The following RIPOR2 variants were observed in gnomAD, a reference collection of about 807,000 sequenced individuals.
The protein encoded by RIPOR2 is rho family-interacting cell polarization regulator 2.
Under a neutral mutation model 114.5 loss-of-function variants are expected in RIPOR2, and 39 were observed. That is an observed-to-expected ratio of 0.34 (90% CI 0.26 to 0.44). The LOEUF (loss-of-function observed/expected upper bound fraction) is 0.44. RIPOR2 is among the 20% of genes least tolerant of loss of function. The pLI is 1.00. For missense variants in RIPOR2, 1,007 were observed against 1,255.1 expected (o/e 0.80, Z 2.99); for synonymous variants, 445 against 484.4 (o/e 0.92, Z 1.07).
chr6:24,884,363 C>G (rs558318787), intron 1 of RIPOR2, among the ~76,000 whole-genome samples: 9 of 152,116 alleles, frequency 5.9e-5, no homozygotes, highest in African/African-American at 2.2e-4. Context: ...GAGCCGAGAT[C>G]GTGCCACTGC....
chr6:24,847,428 C>T, intron 12 of RIPOR2: 1 of 1,109,542 alleles, frequency 9.0e-7, no homozygotes, highest in East Asian at 2.6e-5. Context: ...GACAGTACAG[C>T]TGTAACCATA....
intron 1 of RIPOR2, among the ~76,000 whole-genome samples, chr6:24,945,004 A>G (rs7769907): frequency 0.042 from 6,417 of 152,212 alleles, 450 homozygotes; most frequent in African/African-American, 0.14. Context: ...ATAGCTGAAA[A>G]GAAGAATTGT....
chr6:24,992,236 T>C (rs1774857057), intron 1 of RIPOR2, among the ~76,000 whole-genome samples: 1 of 152,164 alleles, frequency 6.6e-6, no homozygotes. Context: ...ACCTTTATAG[T>C]CCATTCTCAA....
chr6:24,833,536 C>A (rs1243541710), intron 15 of RIPOR2, among the ~76,000 whole-genome samples: 1 of 144,074 alleles, frequency 6.9e-6, no homozygotes, highest in African/African-American at 2.9e-5. Context: ...AACAAAAAAA[C>A]AAAACAAAGT....
intron 1 of RIPOR2, among the ~76,000 whole-genome samples, chr6:24,962,407 G>A (rs1238509295): frequency 2.0e-5 from 3 of 152,126 alleles, no homozygotes; most frequent in African/African-American, 7.2e-5. Context: ...AGGTCGGGGA[G>A]AATAATTAGA....
intron 1 of RIPOR2, among the ~76,000 whole-genome samples, chr6:24,897,304 T>G (rs1358429901): frequency 6.6e-6 from 1 of 152,170 alleles, no homozygotes. Flanking sequence ...TTTGGCAGGA[T>G]GAGTTTATTG....
rs149833078 is a variant in RIPOR2 at position 24,992,933 on chromosome 6, A to C, written c.76+48918T>G. The stretch of plus-strand genomic sequence containing the variant: ...TTCAAACTTAAATATCCTATGAGCC[A>C]AGCAAACAAAGTGCCACCAGGGAAT... On this transcript the variant is annotated intron_variant, in intron 1 of 13. Coordinates refer to the RIPOR2 transcript ENST00000510784. 2.2e-3 allele frequency among the ~76,000 whole-genome samples: 339 copies of C among 152,362 alleles called. 1 individual carries two copies. The highest frequency in any genetic ancestry group is 5.4e-3 in the African/African-American group (223 of 41,582).
chr6:24,852,748 G>T, intron 8 of RIPOR2, 130 bp from the exon 9 acceptor site: 1 of 604,410 alleles, frequency 1.7e-6, no homozygotes, highest in Non-Finnish European at 2.8e-6. Flanking sequence ...ACTTTTTGGG[G>T]CCATTCCTGG....
chr6:24,917,761 C>A (rs534321636), intron 1 of RIPOR2, among the ~76,000 whole-genome samples: 1 of 152,308 alleles, frequency 6.6e-6, no homozygotes, highest in South Asian at 2.1e-4. Context: ...GAACCCCTGA[C>A]CTTGTGTTCT....
intron 19 of RIPOR2, among the ~76,000 whole-genome samples, chr6:24,823,054 A>T (rs949834197): frequency 1.3e-5 from 2 of 152,260 alleles, no homozygotes; most frequent in African/African-American, 4.8e-5. Context: ...GTTGGAGGAC[A>T]GTGGATATTT....
chr6:24,943,529 A>G (rs987143091), intron 1 of RIPOR2, among the ~76,000 whole-genome samples: 1 of 152,212 alleles, frequency 6.6e-6, no homozygotes, highest in African/African-American at 2.4e-5. Flanking sequence ...TAAAAGCAAT[A>G]AGAAACTGGG....
chr6:25,002,789 A>G (rs999510588), intron 1 of RIPOR2, among the ~76,000 whole-genome samples: 1 of 152,272 alleles, frequency 6.6e-6, no homozygotes, highest in African/African-American at 2.4e-5. Context: ...GCCACAGGAA[A>G]GTGGCAGTCC....
chr6:24,862,691 C>T (rs1468663523), intron 7 of RIPOR2, among the ~76,000 whole-genome samples: 1 of 152,140 alleles, frequency 6.6e-6, no homozygotes, highest in Admixed American at 6.5e-5. Context: ...GACATATCAA[C>T]TATGCTATCA....
At chr6:24,822,237 C>A (rs1759766897) in intron 19 of RIPOR2, among the ~76,000 whole-genome samples, 1 of 152,160 alleles carries the variant, frequency 6.6e-6, no homozygotes. Flanking sequence ...GGTGTCTGTG[C>A]AAAATGCTGA....
intron 21 of RIPOR2, among the ~76,000 whole-genome samples, chr6:24,807,969 AG>A (rs373382214): frequency 2.0e-5 from 3 of 152,196 alleles, no homozygotes; most frequent in African/African-American, 7.2e-5. Flanking sequence ...TATTGACTTC[AG>A]GGGGGTCTCA....
At chr6:24,914,161 G>T (rs1016264180) in intron 1 of RIPOR2, among the ~76,000 whole-genome samples, 2 of 151,946 alleles carry the variant, frequency 1.3e-5, no homozygotes, top group African/African-American at 4.8e-5. Context: ...ATGGCGAAAC[G>T]CTGTCTCTAT....
chr6:25,011,467 C>A (rs1189049733), intron 1 of RIPOR2, among the ~76,000 whole-genome samples: 1 of 152,160 alleles, frequency 6.6e-6, no homozygotes, highest in Non-Finnish European at 1.5e-5. Flanking sequence ...GAATATGTCA[C>A]ATAGTCATCA....
upstream of RIPOR2, among the ~76,000 whole-genome samples, chr6:24,936,974 C>T (rs929085825): frequency 2.0e-5 from 3 of 152,202 alleles, no homozygotes; most frequent in African/African-American, 7.2e-5. Context: ...CCTAGAGAAA[C>T]TGTCCCCTCC....
chr6:24,951,093 T>TC (rs1772727310), intron 1 of RIPOR2, among the ~76,000 whole-genome samples: 1 of 152,198 alleles, frequency 6.6e-6, no homozygotes, highest in Non-Finnish European at 1.5e-5. Flanking sequence ...GCAAGAGCGA[T>TC]CAGAGACTTT....
Sources: allele counts gnomAD v4.1 joint callset (sites outside exome capture counted in the v4.1 genomes callset), GRCh38; gene constraint gnomAD v4.1.1; transcripts MANE v1.5; gene names NCBI Gene and HGNC (gene_info 2026-07-23, HGNC 2026-07-21).